The following ATP6V0A2 variants were observed in gnomAD, a reference collection of about 807,000 sequenced individuals.
The protein encoded by ATP6V0A2 is ATPase H+ transporting V0 subunit a2, also known as V-type proton ATPase 116 kDa subunit a 2.
ATP6V0A2 carries 58 observed loss-of-function variants against 104.4 expected under a neutral mutation model. The observed-to-expected ratio is 0.56, with a 90% CI of 0.45 to 0.69. The LOEUF is 0.69. Ranked by LOEUF, ATP6V0A2 falls within the 30% of genes least tolerant of loss-of-function variation. The pLI is 0.00. For missense variants in ATP6V0A2, 938 were observed against 1,062.9 expected, an observed-to-expected ratio of 0.88 and a Z score of 1.63; for synonymous variants, 376 against 397.9, an observed-to-expected ratio of 0.95 and a Z score of 0.65.
Position 123,744,143 on chromosome 12 carries a change from G to A in ATP6V0A2, c.1190-58G>A. Reference sequence around the variant, plus strand: ...TTGTTATGTATCATTGTGTTTGAATGAACTCAGGTTTTCCATATTTGCTGT... The same window carrying A: ...TTGTTATGTATCATTGTGTTTGAATAAACTCAGGTTTTCCATATTTGCTGT... On this transcript the variant is annotated intron_variant, in intron 10 of 19. Coordinates refer to ENST00000330342, the MANE Select transcript of ATP6V0A2 (RefSeq NM_012463.4). This position sits in a 1 kb window ranked among gnomAD's most constrained non-coding sequence, Gnocchi z 5.4. The A allele has an allele frequency of 6.2e-7, 1 of 1,607,578 alleles. No homozygotes were observed. Among genetic ancestry groups the A allele is most frequent in the South Asian group, 1.1e-5 (1 of 90,790 alleles).
intron 18 of ATP6V0A2, among the ~76,000 whole-genome samples, chr12:123,755,315 A>G (rs766516219): frequency 2.6e-5 from 4 of 152,096 alleles, no homozygotes; most frequent in Non-Finnish European, 5.9e-5. Context: ...AGGCAGGTGG[A>G]TCACCTGAGG....
In ATP6V0A2 at chr12:123,712,613, C is replaced by A; in HGVS notation, c.48C>A (p.Phe16Leu). ...AGACCATGTGCCTGGCGCAGCTCTT[C>A]CTGCAGTCGGGCACGGCCTACGAGT... is the stretch of plus-strand genomic sequence containing the variant. ...RSETMCLAQL[F>L]LQSGTAYECL... Residue 16 changes from phenylalanine (F) to leucine (L), a missense_variant, in exon 1 of 20, where the codon TTC becomes TTA. Phe to Leu is a conservative substitution (Grantham distance 22). Coordinates refer to ENST00000330342, the MANE Select transcript of ATP6V0A2 (RefSeq NM_012463.4). 6.2e-7 allele frequency: 1 copy of A among 1,605,644 alleles called. No individual in the cohort carries two copies. Among genetic ancestry groups the A allele is most frequent in the Non-Finnish European group, 8.5e-7 (1 of 1,177,080 alleles).
At chr12:123,715,290 A>G (rs2135874556) in intron 1 of ATP6V0A2, among the ~76,000 whole-genome samples, 1 of 152,332 alleles carries the variant, frequency 6.6e-6, no homozygotes. Context: ...TTAGACACAG[A>G]ACTTCCTTTC....
In ATP6V0A2 at chr12:123,756,879, C is replaced by T. The variant is rs199720540; in HGVS notation, c.2358C>T (p.Gly786=). The T allele has an allele frequency of 8.7e-6, 14 of 1,614,188 alleles. No individual in the cohort carries two copies. Among genetic ancestry groups the T allele is most frequent in the African/African-American group, 4.0e-5 (3 of 75,058 alleles). The change falls in exon 19 of 20, where the codon GGC becomes GGT. Residue 786 remains glycine (G), a synonymous_variant. Transcript: ENST00000330342. ...GCCTCCGCGTTGACACCACCTATGG[C>T]GTCTTGCTACTGCTCCCGGTTATCG... ...RVGLRVDTTY[G]VLLLLPVIAL...
At chr12:123,757,766 G>T (rs972375937) in intron 19 of ATP6V0A2, among the ~76,000 whole-genome samples, 161 bp from the exon 20 acceptor site, 4 of 152,166 alleles carry the variant, frequency 2.6e-5, no homozygotes, top group African/African-American at 7.2e-5. Context: ...GGGGTTGGGG[G>T]TGCGGGGCAG....
At chr12:123,751,980 C>T (rs184395343) in intron 16 of ATP6V0A2, among the ~76,000 whole-genome samples, 37 of 151,488 alleles carry the variant, frequency 2.4e-4, no homozygotes, top group Admixed American at 2.3e-3. Context: ...CTTGCCTCAG[C>T]CCTCAAATAG....
At chr12:123,730,600 G>A (rs1440384800) in intron 6 of ATP6V0A2, 1 of 152,080 alleles carries the variant, frequency 6.6e-6, no homozygotes, top group Non-Finnish European at 1.5e-5. Flanking sequence ...CTTCAGTTGT[G>A]ACCTTGATGA....
intron 13 of ATP6V0A2, among the ~76,000 whole-genome samples, chr12:123,746,370 T>C (rs1294276157): frequency 6.6e-6 from 1 of 151,906 alleles, no homozygotes; most frequent in African/African-American, 2.4e-5. Flanking sequence ...AATATAAATA[T>C]ATCAGCGAAG....
chr12:123,747,612 G>C lies in ATP6V0A2; in HGVS notation c.1611G>C (p.Trp537Cys). The C allele has an allele frequency of 6.2e-7, 1 of 1,607,132 alleles. No individual in the cohort carries two copies. Among genetic ancestry groups the C allele is most frequent in the Non-Finnish European group, 8.5e-7 (1 of 1,173,728 alleles). The change falls in exon 14 of 20, where the codon TGG becomes TGC. Residue 537 changes from tryptophan (W) to cysteine (C), a missense_variant. Coordinates refer to ENST00000330342, the MANE Select transcript of ATP6V0A2 (RefSeq NM_012463.4). ...GPYPLGIDPI[W>C]NLATNRLTFL... ...CTTGTTTGGTTTGGTTTTAGATTTG[G>C]AACTTGGCCACAAATCGCCTCACTT... is the stretch of plus-strand genomic sequence containing the variant.
At chr12:123,730,457 A>G (rs7398851) in intron 6 of ATP6V0A2, among the ~76,000 whole-genome samples, 81,615 of 151,902 alleles carry the variant, frequency 0.54, 23,763 homozygotes, top group East Asian at 0.94. Context: ...CCTGTGATTT[A>G]TTTTTGGTTT....
chr12:123,721,135 A>G (rs1956395273), intron 2 of ATP6V0A2: 1 of 152,388 alleles, frequency 6.6e-6, no homozygotes. Context: ...TCGAAAACAT[A>G]AACCAAATAA....
Position 123,758,766 on chromosome 12 carries a change from C to A in ATP6V0A2, c.*734C>A, listed in dbSNP as rs1469654659. 6.6e-6 allele frequency: 1 copy of A among 152,182 alleles called. No individual in the cohort carries two copies. The allele number at this position is 152,182 out of a possible 1,614,324, so 9.4% of individuals were successfully genotyped here. A position where few individuals can be genotyped will look rare whatever the true frequency, so the allele number is the denominator to read the frequency against. ...CGAACTTCTGACCTCAAGTGATCCA[C>A]CTGCCTCGGCCTCCCTAAGTGCTGG... On this transcript the variant is annotated 3_prime_UTR_variant, in exon 20 of 20. Coordinates refer to ENST00000330342, the MANE Select transcript of ATP6V0A2 (RefSeq NM_012463.4).
rs1350188457 is a variant in ATP6V0A2 at position 123,744,365 on chromosome 12, T to C, written c.1326+28T>C. 13 of 1,613,856 alleles carry C rather than the reference T, an allele frequency of 8.1e-6. No individual in the cohort carries two copies. Among genetic ancestry groups the C allele is most frequent in the Non-Finnish European group, 1.1e-5 (13 of 1,179,816 alleles). On this transcript the variant is annotated intron_variant, in intron 11 of 19. Transcript: ENST00000330342. This position sits in a 1 kb window ranked among gnomAD's most constrained non-coding sequence, Gnocchi z 5.4. ...AAAAATATAAACACTCCAGCTCATA[T>C]ATCTGGTTAGGTGGCATTAGCAGTG...
chr12:123,741,571 G>C (rs1956609319), intron 9 of ATP6V0A2, among the ~76,000 whole-genome samples: 1 of 152,158 alleles, frequency 6.6e-6, no homozygotes, highest in Non-Finnish European at 1.5e-5. Context: ...CTCCTGAGTA[G>C]CTGGAACTAC....
At chr12:123,718,508 C>T (rs1956366250) in intron 1 of ATP6V0A2, 115 bp from the exon 2 acceptor site, 2 of 700,998 alleles carry the variant, frequency 2.9e-6, no homozygotes, top group African/African-American at 1.8e-5. Flanking sequence ...TTTATAGTTT[C>T]ATTCAATAGT....
chr12:123,735,158 T>C lies in ATP6V0A2; in HGVS notation c.732-373T>C, dbSNP rs369979476. The stretch of plus-strand genomic sequence containing the variant: ...TTTTGTTTTCGTGTGTGTGTGTGTG[T>C]GTGTGTGTCTGTGTGTGTCTGTTGT... On this transcript the variant is annotated intron_variant, in intron 7 of 19. Transcript: ENST00000330342. 2.9e-3 allele frequency among the ~76,000 whole-genome samples: 437 copies of C among 151,120 alleles called. 3 individuals carry two copies. The highest frequency in any genetic ancestry group is 0.01 in the African/African-American group (416 of 41,000).
chr12:123,737,215 G>A lies in ATP6V0A2; in HGVS notation c.982G>A (p.Val328Ile), dbSNP rs1359067300. Residue 328 changes from valine (V) to isoleucine (I), a missense_variant, in exon 9 of 20, where the codon GTC becomes ATC. Physicochemically the swap from Val to Ile is conservative, Grantham distance 29. Coordinates refer to ENST00000330342, the MANE Select transcript of ATP6V0A2 (RefSeq NM_012463.4). ...DVTNKCLIAE[V>I]WCPEADLQDL... is the part of the protein sequence containing the mutation. ...GACCAACAAGTGCCTCATTGCTGAGGTCTGGTGTCCCGAGGCGGATCTGCA... is the reference window on the plus strand; with the variant it reads ...GACCAACAAGTGCCTCATTGCTGAGATCTGGTGTCCCGAGGCGGATCTGCA... 1.2e-6 allele frequency: 2 copies of A among 1,614,194 alleles called. No homozygotes were observed. The highest frequency in any genetic ancestry group is 1.7e-6 in the Non-Finnish European group (2 of 1,180,044).
intron 9 of ATP6V0A2, 52 bp from the exon 10 acceptor site, chr12:123,743,733 G>T: frequency 1.9e-6 from 3 of 1,604,866 alleles, no homozygotes; most frequent in Non-Finnish European, 1.7e-6. Flanking sequence ...AATATGGATA[G>T]TTATTTTCTT....
Position 123,724,672 on chromosome 12 carries a change from G to A in ATP6V0A2, c.313G>A (p.Glu105Lys), listed in dbSNP as rs769927427. Residue 105 changes from glutamate to lysine, a missense_variant, in exon 4 of 20, where the codon GAG becomes AAG. Coordinates refer to ENST00000330342, the MANE Select transcript of ATP6V0A2 (RefSeq NM_012463.4). The part of the protein sequence containing the change: ...LEMQEQLQKL[E>K]VELREVTKNK... The stretch of plus-strand genomic sequence containing the variant: ...GTTTTAGGAGCAGTTGCAGAAGCTC[G>A]AGGTTGAACTGAGAGAAGTCACTAA... 1.9e-5 allele frequency: 30 copies of A among 1,613,850 alleles called. No individual in the cohort carries two copies. The highest frequency in any genetic ancestry group is 5.3e-5 in the African/African-American group (4 of 75,014).
Sources: gnomAD v4.1 joint callset for allele counts (sites outside exome capture counted in the v4.1 genomes callset) on GRCh38, gnomAD v4.1.1 for gene constraint, Gnocchi (gnomAD v3.1) non-coding constraint, MANE v1.5 for transcripts, NCBI Gene and HGNC (gene_info 2026-07-23, HGNC 2026-07-21) for gene names.